HPD: variants seen among roughly 807,000 people sequenced by gnomAD.
HPD encodes 4-hydroxyphenylpyruvate dioxygenase, also known as 4-hydroxyphenylpyruvic acid oxidase.
HPD carries 35 observed loss-of-function variants against 56.9 expected under a neutral mutation model. That is an observed-to-expected ratio of 0.62 (90% CI 0.47 to 0.82). HPD has a LOEUF of 0.82. HPD is among the 40% of genes least tolerant of loss of function. HPD has a pLI of 0.00. For missense variants in HPD, 442 were observed against 506.8 expected (o/e 0.87, Z 1.23); for synonymous variants, 186 against 200.2 (o/e 0.93, Z 0.60).
the HPD span, among the ~76,000 whole-genome samples, chr12:121,873,775 G>A: frequency 0.014 from 2,082 of 150,632 alleles, 53 homozygotes; most frequent in African/African-American, 0.048. Context: ...AGCCGAGATC[G>A]CGCCACTGCA....
the HPD span, among the ~76,000 whole-genome samples, chr12:121,878,136 A>G: frequency 5.9e-5 from 9 of 152,176 alleles, no homozygotes; most frequent in South Asian, 6.2e-4. Flanking sequence ...GTGAATTACT[A>G]AATGCTGCTG....
chr12:121,850,381 C>T (rs766770787), intron 7 of HPD, among the ~76,000 whole-genome samples: 1 of 149,664 alleles, frequency 6.7e-6, no homozygotes. Context: ...GAGCAGAGAT[C>T]GTGCCACTAC....
the HPD span, among the ~76,000 whole-genome samples, chr12:121,886,778 T>G: frequency 6.6e-6 from 1 of 152,220 alleles, no homozygotes; most frequent in Non-Finnish European, 1.5e-5. Context: ...AAAGTTCATA[T>G]TTAGATTTCA....
chr12:121,854,910 C>A, intron 6 of HPD, 118 bp from the exon 7 acceptor site: 1 of 781,288 alleles, frequency 1.3e-6, no homozygotes, highest in Non-Finnish European at 2.3e-6. Context: ...TTTCTCCAGC[C>A]CCAGGTAGGA....
At chr12:121,846,574 C>T (rs1592917405) in intron 11 of HPD, among the ~76,000 whole-genome samples, 2 of 152,254 alleles carry the variant, frequency 1.3e-5, no homozygotes, top group East Asian at 3.9e-4. Context: ...ACTGAATCTC[C>T]CAGAGACACA....
At chr12:121,886,066 A>T in the HPD span, among the ~76,000 whole-genome samples, 1 of 151,396 alleles carries the variant, frequency 6.6e-6, no homozygotes, top group Non-Finnish European at 1.5e-5. Context: ...AAATGCTGAG[A>T]TAACAGGCGT....
chr12:121,863,540 G>C (rs938442928), upstream of HPD: 5 of 152,238 alleles, frequency 3.3e-5, no homozygotes, highest in African/African-American at 9.6e-5. Flanking sequence ...ACCTTAGTAA[G>C]GCTGTCTGTT....
Position 121,854,804 on chromosome 12 carries a change from A to T in HPD, c.325-12T>A, listed in dbSNP as rs763736499. The T allele has an allele frequency of 2.2e-5, 35 of 1,607,542 alleles. No homozygotes were observed. Among genetic ancestry groups the T allele is most frequent in the Non-Finnish European group, 2.8e-5 (33 of 1,174,282 alleles). On this transcript the variant is annotated splice_polypyrimidine_tract_variant and intron_variant, in intron 6 of 13. Coordinates refer to ENST00000289004, the MANE Select transcript of HPD (RefSeq NM_002150.3). The stretch of plus-strand genomic sequence containing the variant: ...CGTTCCCGTGCTTTCTGCAGAGAAG[A>T]TGGGATCGGGGAATTGGTGAGGGCT...
chr12:121,865,853 G>C (rs1046762067), upstream of HPD, among the ~76,000 whole-genome samples: 1 of 151,924 alleles, frequency 6.6e-6, no homozygotes, highest in African/African-American at 2.4e-5. Context: ...GCTGGGCGTA[G>C]TGTTGGGCGC....
upstream of HPD, among the ~76,000 whole-genome samples, chr12:121,867,073 G>A (rs1026870715): frequency 1.3e-5 from 2 of 152,092 alleles, no homozygotes; most frequent in African/African-American, 2.4e-5. Context: ...ATTTGAGGCC[G>A]GGTGTGGTGG....
At chr12:121,876,037 C>T in the HPD span, among the ~76,000 whole-genome samples, 17 of 152,246 alleles carry the variant, frequency 1.1e-4, no homozygotes, top group Non-Finnish European at 1.5e-5. Context: ...TGAGGCCAGG[C>T]GTGGTGGCTC....
At chr12:121,866,437 A>C (rs1219609664), upstream of HPD, among the ~76,000 whole-genome samples, 3 of 151,864 alleles carry the variant, frequency 2.0e-5, no homozygotes, top group African/African-American at 4.8e-5. Context: ...TAAAAAAAAA[A>C]CCCCACAGTT....
chr12:121,845,440 CA>C (rs889952708), intron 11 of HPD, among the ~76,000 whole-genome samples: 4 of 142,354 alleles, frequency 2.8e-5, no homozygotes, highest in Non-Finnish European at 4.5e-5. Flanking sequence ...ACTAAAAATA[CA>C]AAAAAAAACA....
chr12:121,878,399 G>A, the HPD span, among the ~76,000 whole-genome samples: 1 of 151,978 alleles, frequency 6.6e-6, no homozygotes. Context: ...CCCAGGCTGG[G>A]GTATAGTGGT....
upstream of HPD, chr12:121,858,895 A>G: frequency 2.5e-6 from 4 of 1,588,692 alleles, no homozygotes; most frequent in Non-Finnish European, 3.5e-6. Flanking sequence ...TTTAACCCCA[A>G]GCAGGTCCCG....
chr12:121,857,863 G>A, intron 2 of HPD, 44 bp from the exon 3 acceptor site: 1 of 1,494,586 alleles, frequency 6.7e-7, no homozygotes, highest in Non-Finnish European at 9.3e-7. Context: ...CTGAAAGTGA[G>A]TCTAGAAAAG....
intron 7 of HPD, among the ~76,000 whole-genome samples, chr12:121,852,580 G>A (rs1200460950): frequency 6.7e-6 from 1 of 149,464 alleles, no homozygotes; most frequent in Admixed American, 6.7e-5. Context: ...TAATGTGCCA[G>A]GCACTGTTCT....
chr12:121,885,916 G>A, the HPD span, among the ~76,000 whole-genome samples: 28 of 150,236 alleles, frequency 1.9e-4, no homozygotes, highest in East Asian at 6.3e-4. Context: ...CCGAGATCTC[G>A]CCACTGCACT....
At chr12:121,882,508 G>C in the HPD span, among the ~76,000 whole-genome samples, 8 of 152,100 alleles carry the variant, frequency 5.3e-5, no homozygotes, top group Non-Finnish European at 1.2e-4. Context: ...AACTGGAAAG[G>C]GGAAAGACAG....
Sources: gnomAD v4.1 joint callset for allele counts (sites outside exome capture counted in the v4.1 genomes callset) on GRCh38, gnomAD v4.1.1 for gene constraint, MANE v1.5 for transcripts, NCBI Gene and HGNC (gene_info 2026-07-23, HGNC 2026-07-21) for gene names.